The following VSTM2L variants were observed in gnomAD, a reference collection of about 807,000 sequenced individuals.
The protein encoded by VSTM2L is V-set and transmembrane domain-containing protein 2-like protein.
Under a neutral mutation model 19.9 loss-of-function variants are expected in VSTM2L, and 9 were observed. The observed-to-expected ratio is 0.45, with a 90% CI of 0.27 to 0.79. The LOEUF (loss-of-function observed/expected upper bound fraction) is 0.79. VSTM2L is among the 30% of genes least tolerant of loss of function. The probability of loss-of-function intolerance (pLI) is 0.15; values close to 1 mark genes in which losing one functional copy is unlikely to be tolerated. For synonymous variants in VSTM2L, 127 were observed against 133.8 expected (o/e 0.95, Z 0.35); for missense variants, 286 against 295.5 (o/e 0.97, Z 0.24).
intron 1 of VSTM2L, among the ~76,000 whole-genome samples, chr20:37,931,288 C>T (rs962382041): frequency 6.6e-6 from 1 of 152,174 alleles, no homozygotes; most frequent in Admixed American, 6.5e-5. Context: ...ATGGAAGCGG[C>T]AGCTCCTCCC....
rs2072990574 is a variant in VSTM2L at position 37,944,015 on chromosome 20, A to G, written c.377A>G (p.Lys126Arg). ...GTGGTGGGCAGCAACATCTCCCACA[A>G]GCTGCGCCTGTCCCGGGTGAAGCCC... ...VKVVGSNISH[K>R]LRLSRVKPTD... is the part of the protein sequence containing the mutation. Residue 126 changes from lysine to arginine, a missense_variant, in exon 4 of 4, where the codon AAG becomes AGG. Lys to Arg is a conservative substitution (Grantham distance 26). Coordinates refer to ENST00000373461, the MANE Select transcript of VSTM2L (RefSeq NM_080607.3). The G allele has an allele frequency of 4.4e-6, 7 of 1,598,584 alleles. No individual in the cohort carries two copies. Among genetic ancestry groups the G allele is most frequent in the Non-Finnish European group, 6.0e-6 (7 of 1,169,822 alleles).
At chr20:37,930,729 T>G (rs1040335914) in intron 1 of VSTM2L, among the ~76,000 whole-genome samples, 4 of 151,932 alleles carry the variant, frequency 2.6e-5, no homozygotes, top group Admixed American at 2.0e-4. Flanking sequence ...TGGGCTGTGG[T>G]GGAGAGCTGG....
intron 3 of VSTM2L, among the ~76,000 whole-genome samples, chr20:37,938,930 T>C (rs922850651): frequency 9.2e-5 from 14 of 152,198 alleles, no homozygotes; most frequent in Non-Finnish European, 1.5e-4. Context: ...ACATGGAGGA[T>C]TGGGGGCCTC....
chr20:37,923,019 A>AGTGCT (rs1364390276), intron 1 of VSTM2L, among the ~76,000 whole-genome samples: 1 of 151,990 alleles, frequency 6.6e-6, no homozygotes, highest in Non-Finnish European at 1.5e-5. Context: ...GAGAGAAAGG[A>AGTGCT]GTGCTGTTTA....
At chr20:37,909,431 C>T (rs2072767820) in intron 1 of VSTM2L, among the ~76,000 whole-genome samples, 1 of 152,078 alleles carries the variant, frequency 6.6e-6, no homozygotes, top group Admixed American at 6.5e-5. Context: ...TCCTGGGACC[C>T]AGGACAATGC....
intron 1 of VSTM2L, among the ~76,000 whole-genome samples, chr20:37,904,501 C>T (rs2072740387): frequency 6.6e-6 from 1 of 152,244 alleles, no homozygotes; most frequent in Non-Finnish European, 1.5e-5. Context: ...ATGAGCCCGG[C>T]AGCTGTGGGG....
chr20:37,928,498 T>C (rs888512820), intron 1 of VSTM2L, among the ~76,000 whole-genome samples: 10 of 152,228 alleles, frequency 6.6e-5, no homozygotes, highest in African/African-American at 2.4e-4. Flanking sequence ...ACCTTACCTG[T>C]AATCTCAGCA....
intron 3 of VSTM2L, among the ~76,000 whole-genome samples, chr20:37,942,426 G>A (rs1207557092): frequency 6.6e-6 from 1 of 152,238 alleles, no homozygotes; most frequent in Non-Finnish European, 1.5e-5. Context: ...AGGTTGCAGT[G>A]AGCTAAGATC....
chr20:37,928,451 T>C (rs2122963269), intron 1 of VSTM2L, among the ~76,000 whole-genome samples: 1 of 152,304 alleles, frequency 6.6e-6, no homozygotes, highest in Admixed American at 6.5e-5. Context: ...TTATTCATCA[T>C]TCAAAAAGCA....
At chr20:37,933,065 G>T (rs1445623879) in intron 2 of VSTM2L, among the ~76,000 whole-genome samples, 1 of 152,208 alleles carries the variant, frequency 6.6e-6, no homozygotes, top group Non-Finnish European at 1.5e-5. Context: ...AGGTATCTGC[G>T]GTTGGAAGCT....
At chr20:37,911,051 T>A (rs951832059) in intron 1 of VSTM2L, among the ~76,000 whole-genome samples, 1 of 150,924 alleles carries the variant, frequency 6.6e-6, no homozygotes, top group African/African-American at 2.4e-5. Flanking sequence ...GGCGGGTGGA[T>A]CACAAGGTCA....
chr20:37,908,978 G>A, intron 1 of VSTM2L, among the ~76,000 whole-genome samples: 1 of 152,162 alleles, frequency 6.6e-6, no homozygotes, highest in East Asian at 1.9e-4. Context: ...GAGACTCGGG[G>A]AGGTTAAGTG....
At chr20:37,913,855 G>A (rs1398453592) in intron 1 of VSTM2L, among the ~76,000 whole-genome samples, 1 of 152,240 alleles carries the variant, frequency 6.6e-6, no homozygotes, top group African/African-American at 2.4e-5. Flanking sequence ...TACCCCTGGA[G>A]AAGGGGGCAG....
chr20:37,928,740 G>A (rs1388020857), intron 1 of VSTM2L, among the ~76,000 whole-genome samples: 1 of 152,156 alleles, frequency 6.6e-6, no homozygotes, highest in Non-Finnish European at 1.5e-5. Flanking sequence ...AGACAACAGA[G>A]CGAGACCCTG....
At chr20:37,928,393 G>T (rs2072890161) in intron 1 of VSTM2L, among the ~76,000 whole-genome samples, 1 of 152,172 alleles carries the variant, frequency 6.6e-6, no homozygotes. Flanking sequence ...TCTCAGGCAG[G>T]GTCCCCCTAG....
chr20:37,935,198 C>T (rs1369715270), intron 3 of VSTM2L, among the ~76,000 whole-genome samples: 1 of 152,200 alleles, frequency 6.6e-6, no homozygotes, highest in Non-Finnish European at 1.5e-5. Flanking sequence ...AATAAATGTG[C>T]TCAGCATGAA....
At chr20:37,942,706 T>C (rs1389993098) in intron 3 of VSTM2L, among the ~76,000 whole-genome samples, 5 of 152,214 alleles carry the variant, frequency 3.3e-5, no homozygotes, top group Admixed American at 6.5e-5. Context: ...CATGCTTTGC[T>C]CTGGATGGTG....
chr20:37,939,457 G>C (rs1043985572), intron 3 of VSTM2L, among the ~76,000 whole-genome samples: 2 of 152,062 alleles, frequency 1.3e-5, no homozygotes, highest in Non-Finnish European at 2.9e-5. Context: ...AAGAAAGAAA[G>C]AAAGATTGAT....
chr20:37,936,237 A>G (rs1401244546), intron 3 of VSTM2L, among the ~76,000 whole-genome samples: 1 of 151,810 alleles, frequency 6.6e-6, no homozygotes, highest in Non-Finnish European at 1.5e-5. Flanking sequence ...TACCGGTGAC[A>G]TGACGTGAAC....
Sources: gnomAD v4.1 joint callset for allele counts (sites outside exome capture counted in the v4.1 genomes callset) on GRCh38, gnomAD v4.1.1 for gene constraint, MANE v1.5 for transcripts, NCBI Gene and HGNC (gene_info 2026-07-23, HGNC 2026-07-21) for gene names.